Variants in MYH3 observed in about 807,000 individuals in gnomAD.
MYH3 encodes the protein myosin heavy chain 3.
A neutral mutation model predicts 238.0 loss-of-function variants in MYH3; 130 were observed. That is an observed-to-expected ratio of 0.55 (90% CI 0.47 to 0.63). The LOEUF is 0.63. Ranked by LOEUF, MYH3 falls within the 30% of genes least tolerant of loss-of-function variation. MYH3 has a pLI of 0.00. For missense variants in MYH3, 1,853 were observed against 2,374.9 expected (o/e 0.78, Z 4.57); for synonymous variants, 880 against 924.1 (o/e 0.95, Z 0.86).
chr17:10,650,689 C>T (rs2074366186), intron 5 of MYH3, among the ~76,000 whole-genome samples: 1 of 152,188 alleles, frequency 6.6e-6, no homozygotes, highest in African/African-American at 2.4e-5. Context: ...CGTCACCTCA[C>T]ATACTTATTT....
In MYH3 at chr17:10,648,625, T is replaced by A; in HGVS notation, c.667A>T (p.Ser223Cys). Reference protein sequence around the residue: ...MKGTLEDQIISANPLLEAFGN... With the variant: ...MKGTLEDQIICANPLLEAFGN... ...AAGGCCTCCAGCAGGGGATTGGCAC[T>A]GATGATTTGATCTTCCAGAGTCCCC... Residue 223 changes from serine (S) to cysteine (C), a missense_variant, in exon 8 of 41, where the codon AGT becomes TGT. Ser to Cys is a moderately radical substitution (Grantham distance 112, BLOSUM62 -1). Coordinates refer to ENST00000583535, the MANE Select transcript of MYH3 (RefSeq NM_002470.4). 1 of 1,614,054 alleles carries A rather than the reference T, an allele frequency of 6.2e-7. No individual in the cohort carries two copies. Among genetic ancestry groups the A allele is most frequent in the South Asian group, 1.1e-5 (1 of 91,088 alleles).
intron 4 of MYH3, 199 bp downstream of exon 4, chr17:10,652,221 C>A: frequency 2.8e-6 from 2 of 704,502 alleles, no homozygotes; most frequent in Non-Finnish European, 4.9e-6. Flanking sequence ...GCTCCTGGTC[C>A]TCCTTCCCAC....
At chr17:10,672,928 AAG>A in the MYH3 span, 1 of 152,166 alleles carries the variant, frequency 6.6e-6, no homozygotes, top group Non-Finnish European at 1.5e-5. Flanking sequence ...AAACACTCAA[AAG>A]AGAGTTGAAG....
intron 14 of MYH3, 122 bp downstream of exon 14, chr17:10,644,229 C>T: frequency 4.8e-6 from 5 of 1,031,232 alleles, no homozygotes; most frequent in Non-Finnish European, 7.5e-6. Context: ...TCCATCCACT[C>T]TCCATCTAGT....
At chr17:10,640,720 T>C (rs770677492) in intron 19 of MYH3, 34 bp from the exon 20 acceptor site, 9 of 1,610,922 alleles carry the variant, frequency 5.6e-6, no homozygotes, top group Non-Finnish European at 7.6e-6. Context: ...TCACAGACTG[T>C]TGGCAAAGAC....
Position 10,639,024 on chromosome 17 carries a change from C to G in MYH3, c.3248+20G>C, listed in dbSNP as rs1242083521. The G allele has an allele frequency of 6.2e-7, 1 of 1,614,066 alleles. No homozygotes were observed. The highest frequency in any genetic ancestry group is 8.5e-7 in the Non-Finnish European group (1 of 1,180,036). On this transcript the variant is annotated intron_variant, in intron 25 of 40. Coordinates refer to ENST00000583535, the MANE Select transcript of MYH3 (RefSeq NM_002470.4). ...TACACAGTAACTTGCAAAATGGAAG[C>G]CAGTGGTTGAAGGGCATACTTCTTG...
chr17:10,643,230 T>A (rs1320638906), intron 14 of MYH3, among the ~76,000 whole-genome samples: 1 of 152,204 alleles, frequency 6.6e-6, no homozygotes, highest in African/African-American at 2.4e-5. Context: ...GCATCTCTTG[T>A]GTACTTTATT....
At position 10,644,678 on chromosome 17, in the gene MYH3, A is replaced by G; in HGVS notation, c.1166T>C (p.Met389Thr). The part of the protein sequence containing the change: ...TEVADKTAYL[M>T]GLNSSDLLKA... Reference sequence around the variant, plus strand: ...TAGGAGGTCCGAAGAGTTCAGGCCCATCAGATAGGCTGTTTTGTCAGCCAC... The same window carrying G: ...TAGGAGGTCCGAAGAGTTCAGGCCCGTCAGATAGGCTGTTTTGTCAGCCAC... The change falls in exon 13 of 41, where the codon ATG (methionine) becomes ACG (threonine). Residue 389 changes from methionine to threonine, a missense_variant. Around this residue, in one of 3 missense-constraint regions of MYH3, gnomAD observed 678 missense variants for 1,058.9 expected, o/e 0.64. Transcript: ENST00000583535. 6.2e-7 allele frequency: 1 copy of G among 1,613,904 alleles called. No homozygotes were observed. The highest frequency in any genetic ancestry group is 8.5e-7 in the Non-Finnish European group (1 of 1,179,968).
chr17:10,658,150 G>C (rs780527529), upstream of MYH3, among the ~76,000 whole-genome samples: 2 of 152,222 alleles, frequency 1.3e-5, no homozygotes, highest in South Asian at 2.1e-4. Context: ...GGCGGACAAG[G>C]GGGGGCTGTC....
chr17:10,635,493 T>G lies in MYH3; in HGVS notation c.4046A>C (p.Glu1349Ala). The G allele has an allele frequency of 6.2e-7, 1 of 1,614,206 alleles. No homozygotes were observed. Among genetic ancestry groups the G allele is most frequent in the South Asian group, 1.1e-5 (1 of 91,078 alleles). Residue 1349 changes from glutamate to alanine, a missense_variant, in exon 30 of 41, where the codon GAG (glutamate) becomes GCG (alanine). Coordinates refer to ENST00000583535, the MANE Select transcript of MYH3 (RefSeq NM_002470.4). ...CTCAGCTTTGCCTTCCTGCTCCTCCTCATACTGTTCCCGCAGCAGGTCACA... is the reference window on the plus strand; with the variant it reads ...CTCAGCTTTGCCTTCCTGCTCCTCCGCATACTGTTCCCGCAGCAGGTCACA... ...HDCDLLREQY[E>A]EEQEGKAELQ...
rs1276826071 is a variant in MYH3, at chr17:10,629,824, A to G, written c.5658+18T>C. On this transcript the variant is annotated intron_variant, in intron 39 of 40. Coordinates refer to ENST00000583535, the MANE Select transcript of MYH3 (RefSeq NM_002470.4). ...ACAGCACGGTCTGCCTGCCGCAGTC[A>G]GCACCTATCTCACTTACAGCCTCCT... 6 of 1,613,920 alleles carry G rather than the reference A, an allele frequency of 3.7e-6. No individual in the cohort carries two copies. Among genetic ancestry groups the G allele is most frequent in the Non-Finnish European group, 5.1e-6 (6 of 1,180,020 alleles).
chr17:10,632,277 C>A lies in MYH3; in HGVS notation c.4956+199G>T, dbSNP rs959470487. Among the ~76,000 whole-genome samples the A allele has an allele frequency of 9.9e-5, 15 of 152,270 alleles. 1 individual carries two copies. Among genetic ancestry groups the A allele is most frequent in the Admixed American group, 8.5e-4 (13 of 15,298 alleles). Reference sequence around the variant, plus strand: ...GAGACCACAGGCTTGTGCCACCATGCCTAGCTAATTTTTATTTTTTTTGTA... The same window carrying A: ...GAGACCACAGGCTTGTGCCACCATGACTAGCTAATTTTTATTTTTTTTGTA... On this transcript the variant is annotated intron_variant, in intron 34 of 40. Transcript: ENST00000583535.
the MYH3 span, among the ~76,000 whole-genome samples, chr17:10,670,158 T>C: frequency 1.3e-5 from 2 of 152,126 alleles, no homozygotes; most frequent in African/African-American, 4.8e-5. The surrounding 1 kb of genome is among the most constrained non-coding windows in gnomAD (Gnocchi z 7.0). Flanking sequence ...AGTTCCGAAA[T>C]GCCTCTCTCC....
chr17:10,650,478 C>T, intron 5 of MYH3, 77 bp from the exon 6 acceptor site: 1 of 1,366,766 alleles, frequency 7.3e-7, no homozygotes, highest in African/African-American at 1.4e-5. Context: ...TCTCAAGTAG[C>T]CAGAGTTAAA....
intron 33 of MYH3, 137 bp from the exon 34 acceptor site, chr17:10,632,921 C>T (rs2074179461): frequency 3.9e-6 from 4 of 1,019,130 alleles, no homozygotes; most frequent in Admixed American, 3.9e-5. Context: ...TTTTAAATGT[C>T]CCCAAATTGG....
chr17:10,656,537 C>CAAAAAAAAAAAA (rs71139057), intron 1 of MYH3, among the ~76,000 whole-genome samples: 12 of 55,894 alleles, frequency 2.1e-4, no homozygotes, highest in African/African-American at 5.4e-4. Context: ...AATTCTGTCT[C>CAAAAAAAAAAAA]AAAAAAAAAA....
In MYH3 at chr17:10,656,925, AC is replaced by A. The variant is rs891860910; in HGVS notation, c.-68+363del. Among the ~76,000 whole-genome samples, 37 of 151,832 alleles carry A rather than the reference AC, an allele frequency of 2.4e-4. 1 individual carries two copies. ...CAGAGTGAGGTCCCCAGTCCTGTTG[AC>A]CCTTCATGGGTCACAGAGGCAATGG... On this transcript the variant is annotated intron_variant, in intron 1 of 40. Transcript: ENST00000583535.
At position 10,633,637 on chromosome 17, in the gene MYH3, A is replaced by G. The variant is rs1342646709; in HGVS notation, c.4601T>C (p.Ile1534Thr). Residue 1534 changes from isoleucine to threonine, a missense_variant, in exon 33 of 41, where the codon ATT (isoleucine) becomes ACT (threonine). Around this residue, in one of 3 missense-constraint regions of MYH3, gnomAD observed 1,044 missense variants for 1,192.6 expected, o/e 0.88. Coordinates refer to ENST00000583535, the MANE Select transcript of MYH3 (RefSeq NM_002470.4). ...CTGGATATCAGCCTTTTCCAGCTCA[A>G]TCTGCTTTCTTGATTTCTCCAGTTC... ...IHELEKSRKQ[I>T]ELEKADIQLA... The G allele has an allele frequency of 2.5e-6, 4 of 1,613,848 alleles. No individual in the cohort carries two copies. The African/African-American group carries it at 4.0e-5, about 16-fold the overall frequency.
chr17:10,635,715 G>A lies in MYH3; in HGVS notation c.3975+20C>T. ...GATATTTAAAAATAAGGGCAAAGAA[G>A]TCTTCCTTCAATGGTGTACCTTGTT... On this transcript the variant is annotated intron_variant, in intron 29 of 40. Coordinates refer to ENST00000583535, the MANE Select transcript of MYH3 (RefSeq NM_002470.4). The A allele has an allele frequency of 6.2e-7, 1 of 1,612,350 alleles. No individual in the cohort carries two copies. The highest frequency in any genetic ancestry group is 8.5e-7 in the Non-Finnish European group (1 of 1,178,358).
Sources: allele counts gnomAD v4.1 joint callset (sites outside exome capture counted in the v4.1 genomes callset), GRCh38; gene constraint gnomAD v4.1.1; regional missense constraint gnomAD v4.1.1; non-coding constraint Gnocchi (gnomAD v3.1); transcripts MANE v1.5; gene names NCBI Gene and HGNC (gene_info 2026-07-23, HGNC 2026-07-21).